ROBO2: variants seen among roughly 807,000 people sequenced by gnomAD.
The protein encoded by ROBO2 is roundabout homolog 2.
ROBO2 carries 53 observed loss-of-function variants against 160.8 expected under a neutral mutation model. The observed-to-expected ratio is 0.33, with a 90% CI of 0.26 to 0.41. The LOEUF (loss-of-function observed/expected upper bound fraction) is 0.41. Ranked by LOEUF, ROBO2 falls within the 10% of genes least tolerant of loss-of-function variation. The pLI is 1.00. For synonymous variants in ROBO2, 664 were observed against 611.7 expected (o/e 1.09, Z -1.26); for missense variants, 1,577 against 1,722.4 (o/e 0.92, Z 1.49).
chr3:76,415,775 T>G (rs1308281911), intron 2 of ROBO2, among the ~76,000 whole-genome samples: 1 of 152,246 alleles, frequency 6.6e-6, no homozygotes, highest in African/African-American at 2.4e-5. Context: ...CTTTCATTAA[T>G]GTTTGACCCA....
intron 2 of ROBO2, among the ~76,000 whole-genome samples, chr3:76,603,848 G>A (rs575591886): frequency 6.6e-6 from 1 of 152,028 alleles, no homozygotes; most frequent in African/African-American, 2.4e-5. Context: ...ATATGAATTT[G>A]CTTGATAGTT....
intron 2 of ROBO2, among the ~76,000 whole-genome samples, chr3:76,017,292 C>T (rs2066431654): frequency 6.6e-6 from 1 of 152,112 alleles, no homozygotes; most frequent in South Asian, 2.1e-4. Flanking sequence ...GGGATCGGAG[C>T]CTACCGACTT....
intron 2 of ROBO2, among the ~76,000 whole-genome samples, chr3:75,968,665 T>G (rs2064885467): frequency 6.6e-6 from 1 of 151,616 alleles, no homozygotes; most frequent in Non-Finnish European, 1.5e-5. Flanking sequence ...GGTAACATAC[T>G]ATACTTTAGA....
chr3:76,878,172 TA>T (rs549228926), intron 2 of ROBO2, among the ~76,000 whole-genome samples: 58 of 148,048 alleles, frequency 3.9e-4, no homozygotes, highest in African/African-American at 1.2e-3. Flanking sequence ...AAAGTTTCCT[TA>T]ATGCATGACG....
intron 2 of ROBO2, among the ~76,000 whole-genome samples, chr3:76,256,309 CT>C (rs1706362372): frequency 2.8e-5 from 1 of 36,098 alleles, no homozygotes; most frequent in Non-Finnish European, 4.1e-5. Context: ...GTCTCTCTCT[CT>C]CTCTCTCTCT....
At chr3:77,219,159 G>A (rs913351718) in intron 2 of ROBO2, among the ~76,000 whole-genome samples, 1 of 151,430 alleles carries the variant, frequency 6.6e-6, no homozygotes, top group Non-Finnish European at 1.5e-5. Flanking sequence ...AGTAGAGATG[G>A]GGGTTTCACC....
At chr3:76,575,591 C>G (rs764393853) in intron 2 of ROBO2, among the ~76,000 whole-genome samples, 3 of 151,932 alleles carry the variant, frequency 2.0e-5, no homozygotes, top group Non-Finnish European at 4.4e-5. Context: ...TGAGAGAGAC[C>G]TTCCCCCTTT....
chr3:76,157,597 G>A (rs956861316), intron 2 of ROBO2, among the ~76,000 whole-genome samples: 3 of 151,934 alleles, frequency 2.0e-5, no homozygotes, highest in Non-Finnish European at 2.9e-5. Context: ...CTCATTTATG[G>A]GGGGGCTGCA....
At chr3:77,398,004 G>C (rs1057380654) in intron 2 of ROBO2, among the ~76,000 whole-genome samples, 4 of 152,046 alleles carry the variant, frequency 2.6e-5, no homozygotes, top group Non-Finnish European at 5.9e-5. Flanking sequence ...TTAACATTTA[G>C]ATGTATTGTT....
intron 2 of ROBO2, among the ~76,000 whole-genome samples, chr3:76,597,234 A>T (rs2086791751): frequency 6.6e-6 from 1 of 152,096 alleles, no homozygotes; most frequent in Admixed American, 6.6e-5. Context: ...CAAAAAGAAC[A>T]ATTCATAAAA....
rs140743746 is a variant in ROBO2, at chr3:76,746,898, C to A, written c.110-351116C>A. Among the ~76,000 whole-genome samples, 1,156 of 152,148 alleles carry A rather than the reference C, an allele frequency of 7.6e-3. 13 individuals carry two copies. Among genetic ancestry groups the A allele is most frequent in the African/African-American group, 0.026 (1,094 of 41,532 alleles). On this transcript the variant is annotated intron_variant, in intron 2 of 26. Coordinates refer to the ROBO2 transcript ENST00000487694. ...GTTCCCACTTATAAGTGAGAACATGCGGCATTTGGTTTTCTGATCCTGTGT... is the reference window on the plus strand; with the variant it reads ...GTTCCCACTTATAAGTGAGAACATGAGGCATTTGGTTTTCTGATCCTGTGT...
intron 1 of ROBO2, among the ~76,000 whole-genome samples, chr3:75,921,228 G>A (rs948009891): frequency 2.6e-5 from 4 of 151,832 alleles, no homozygotes; most frequent in Non-Finnish European, 5.9e-5. Context: ...CAGGACTGAT[G>A]GTGACTAAAT....
chr3:76,307,432 G>C (rs1331305142), intron 2 of ROBO2, among the ~76,000 whole-genome samples: 1 of 151,734 alleles, frequency 6.6e-6, no homozygotes, highest in Non-Finnish European at 1.5e-5. Flanking sequence ...GTAACTGTCT[G>C]TAAGTCAGGT....
At chr3:76,178,397 G>A (rs1231461669) in intron 2 of ROBO2, among the ~76,000 whole-genome samples, 3 of 152,172 alleles carry the variant, frequency 2.0e-5, no homozygotes, top group Non-Finnish European at 4.4e-5. Context: ...GAGGCGATAA[G>A]AAGACTTGAA....
At chr3:77,096,550 A>G (rs1419723572) in intron 1 of ROBO2, among the ~76,000 whole-genome samples, 1 of 151,568 alleles carries the variant, frequency 6.6e-6, no homozygotes, top group Non-Finnish European at 1.5e-5. Context: ...CTGAGTTCAA[A>G]CGATTCTCCT....
intron 2 of ROBO2, among the ~76,000 whole-genome samples, chr3:76,436,492 C>T (rs2076689585): frequency 1.3e-5 from 2 of 152,160 alleles, no homozygotes; most frequent in Non-Finnish European, 1.5e-5. Flanking sequence ...CAATCTTGCA[C>T]AGTGCTGCTA....
At chr3:76,195,505 TTAG>T (rs1383213096) in intron 2 of ROBO2, among the ~76,000 whole-genome samples, 1 of 152,170 alleles carries the variant, frequency 6.6e-6, no homozygotes, top group Non-Finnish European at 1.5e-5. Context: ...TGCAGACTAT[TTAG>T]TGGTGGTTAT....
At chr3:77,284,456 G>A (rs140613401) in intron 2 of ROBO2, among the ~76,000 whole-genome samples, 179 of 152,230 alleles carry the variant, frequency 1.2e-3, no homozygotes, top group African/African-American at 4.1e-3. Flanking sequence ...TTAGGAAAAG[G>A]CCTCGTTCAC....
intron 2 of ROBO2, among the ~76,000 whole-genome samples, chr3:76,652,493 T>C (rs769783366): frequency 2.6e-5 from 4 of 152,204 alleles, no homozygotes; most frequent in Non-Finnish European, 5.9e-5. Context: ...TTTACCTTTG[T>C]GCTATACTCT....
Sources: allele counts gnomAD v4.1 joint callset (sites outside exome capture counted in the v4.1 genomes callset), GRCh38; gene constraint gnomAD v4.1.1; transcripts MANE v1.5; gene names NCBI Gene and HGNC (gene_info 2026-07-23, HGNC 2026-07-21).